Variants in CD58 observed in about 807,000 individuals in gnomAD.
CD58 encodes CD58 molecule.
In CD58, 14 loss-of-function variants were observed where a neutral mutation model predicts 27.6. That is an observed-to-expected ratio of 0.51 (90% CI 0.34 to 0.79). The LOEUF (loss-of-function observed/expected upper bound fraction) is 0.79, where lower values mean the gene tolerates loss of function less well. Among genes scored for constraint, CD58 ranks in the 30% least tolerant of loss-of-function variants. The probability of loss-of-function intolerance (pLI) is 0.02; values close to 1 mark genes in which losing one functional copy is unlikely to be tolerated. For missense variants in CD58, 268 were observed against 301.7 expected, an observed-to-expected ratio of 0.89 and a Z score of 0.83; for synonymous variants, 117 against 103.8, an observed-to-expected ratio of 1.13 and a Z score of -0.77.
chr1:116,534,065 C>A lies in CD58; in HGVS notation c.628+1900G>T, dbSNP rs910430034. The A allele has an allele frequency of 1.3e-5, 12 of 918,722 alleles. No homozygotes were observed. Among genetic ancestry groups the A allele is most frequent in the Admixed American group, 3.4e-5 (2 of 58,454 alleles). The allele number at this position is 918,722 out of a possible 1,614,324, so 56.9% of individuals were successfully genotyped here. On this transcript the variant is annotated intron_variant, in intron 3 of 5. Transcript: ENST00000369489. The surrounding 1 kb of genome is among the most constrained non-coding windows in gnomAD (Gnocchi z 5.3). ...GCAGCTTCCACGAAATCTGAAGGAACCCCATCTGAAAAACTGTTATCTGCC... is the reference window on the plus strand; with the variant it reads ...GCAGCTTCCACGAAATCTGAAGGAAACCCATCTGAAAAACTGTTATCTGCC...
At position 116,515,676 on chromosome 1, in the gene CD58, T is replaced by C. The variant is rs567980999; in HGVS notation, c.744-854A>G. On this transcript the variant is annotated intron_variant, in intron 5 of 5. Transcript: ENST00000369489. This position sits in a 1 kb window ranked among gnomAD's most constrained non-coding sequence, Gnocchi z 4.6. ...CACTACAAGGAATCAAGCCTGCTTCTCCAGCTTGGCTCCTGCCTGAGATCC... is the reference window on the plus strand; with the variant it reads ...CACTACAAGGAATCAAGCCTGCTTCCCCAGCTTGGCTCCTGCCTGAGATCC... Among the ~76,000 whole-genome samples the C allele has an allele frequency of 6.6e-6, 1 of 152,306 alleles. No homozygotes were observed. The highest frequency in any genetic ancestry group is 2.1e-4 in the South Asian group (1 of 4,824).
intron 2 of CD58, among the ~76,000 whole-genome samples, chr1:116,539,075 A>C (rs1657907132): frequency 6.6e-6 from 1 of 152,204 alleles, no homozygotes; most frequent in East Asian, 1.9e-4. Flanking sequence ...AATAGTACTT[A>C]CTCTATCAGA....
rs567788814 is a variant in CD58, at chr1:116,565,775, G to A, written c.70+5128C>T. ...CTCACTCCGTCACCCAGGCTGGAGT[G>A]CAGTGTTGTAATCTTGGCTCACTGC... On this transcript the variant is annotated intron_variant, in intron 1 of 5. Transcript: ENST00000369489. Among the ~76,000 whole-genome samples the A allele has an allele frequency of 1.7e-4, 26 of 150,212 alleles. No homozygotes were observed. The South Asian group carries it at 5.5e-3, about 32-fold the overall frequency.
intron 2 of CD58, among the ~76,000 whole-genome samples, chr1:116,539,628 G>A (rs185176538): frequency 6.6e-6 from 1 of 152,320 alleles, no homozygotes; most frequent in East Asian, 1.9e-4. Flanking sequence ...CTAGGTAGAA[G>A]CTCTTTCTGG....
rs1057177974 is a variant in CD58 at position 116,532,027 on chromosome 1, C to T, written c.628+3938G>A. Among the ~76,000 whole-genome samples the T allele has an allele frequency of 6.6e-5, 10 of 152,242 alleles. No individual in the cohort carries two copies. The highest frequency in any genetic ancestry group is 2.4e-4 in the African/African-American group (10 of 41,462). On this transcript the variant is annotated intron_variant, in intron 3 of 5. Coordinates refer to ENST00000369489, the MANE Select transcript of CD58 (RefSeq NM_001779.3). This position sits in a 1 kb window ranked among gnomAD's most constrained non-coding sequence, Gnocchi z 5.1. The stretch of plus-strand genomic sequence containing the variant: ...ACTACTGAGAAAGCAGGACTTGACG[C>T]TCATATGCTCAAATGAAACGCAGGA...
chr1:116,553,228 T>C (rs1658451900), intron 1 of CD58, among the ~76,000 whole-genome samples: 1 of 152,154 alleles, frequency 6.6e-6, no homozygotes, highest in African/African-American at 2.4e-5. Context: ...TATTATAGTT[T>C]TTTTTCAAAT....
In CD58 at chr1:116,528,510, A is replaced by T. The variant is rs1480674388; in HGVS notation, c.629-6527T>A. 1.3e-5 allele frequency among the ~76,000 whole-genome samples: 2 copies of T among 152,166 alleles called. No homozygotes were observed. On this transcript the variant is annotated intron_variant, in intron 3 of 5. Transcript: ENST00000369489. This position sits in a 1 kb window ranked among gnomAD's most constrained non-coding sequence, Gnocchi z 4.4. ...ACATAACTTCAGGTCGGAACTGAAC[A>T]ATGTTTCTTTTATGTTCTTGGTCCA...
chr1:116,569,701 A>T (rs1197699589), intron 1 of CD58, among the ~76,000 whole-genome samples: 1 of 148,320 alleles, frequency 6.7e-6, no homozygotes, highest in East Asian at 2.0e-4. Context: ...TCCGGGACTC[A>T]GGTGATTCTC....
chr1:116,519,385 C>A lies in CD58; in HGVS notation c.707-118G>T. The A allele has an allele frequency of 1.2e-6, 1 of 825,434 alleles. No individual in the cohort carries two copies. The highest frequency in any genetic ancestry group is 2.0e-6 in the Non-Finnish European group (1 of 495,614). 51.1% of individuals were successfully genotyped at this position (825,434 alleles called of 1,614,324 possible). A position where few individuals can be genotyped will look rare whatever the true frequency, so the allele number is the denominator to read the frequency against. Reference sequence around the variant, plus strand: ...GAAAACTAAGCCAGAGCCCCATCACCCTGGGATTTCCTGCTATCCTATATG... The same window carrying A: ...GAAAACTAAGCCAGAGCCCCATCACACTGGGATTTCCTGCTATCCTATATG... On this transcript the variant is annotated intron_variant, in intron 4 of 5. Transcript: ENST00000369489. This position sits in a 1 kb window ranked among gnomAD's most constrained non-coding sequence, Gnocchi z 4.7.
At chr1:116,549,690 C>T (rs930978717) in intron 1 of CD58, among the ~76,000 whole-genome samples, 4 of 152,190 alleles carry the variant, frequency 2.6e-5, no homozygotes, top group African/African-American at 4.8e-5. Context: ...ATCTGGGTGC[C>T]TTACCCACTC....
intron 2 of CD58, among the ~76,000 whole-genome samples, chr1:116,540,708 G>T (rs1657961313): frequency 6.6e-6 from 1 of 152,172 alleles, no homozygotes; most frequent in African/African-American, 2.4e-5. Flanking sequence ...CACCTCCCCT[G>T]TACTTTACTC....
intron 5 of CD58, among the ~76,000 whole-genome samples, chr1:116,518,440 G>A (rs1476785175): frequency 6.6e-6 from 1 of 151,898 alleles, no homozygotes; most frequent in Admixed American, 6.6e-5. Context: ...GCATAGTTCT[G>A]CTAGAAAACT....
In CD58 at chr1:116,523,581, G is replaced by C. The variant is rs970951558; in HGVS notation, c.629-1598C>G. On this transcript the variant is annotated intron_variant, in intron 3 of 5. Coordinates refer to ENST00000369489, the MANE Select transcript of CD58 (RefSeq NM_001779.3). This position sits in a 1 kb window ranked among gnomAD's most constrained non-coding sequence, Gnocchi z 4.4. ...TTCCCTTCTTTAGTAGCAAAATTCAGATATTCCTTGGCAATAATACTCCCC... is the reference window on the plus strand; with the variant it reads ...TTCCCTTCTTTAGTAGCAAAATTCACATATTCCTTGGCAATAATACTCCCC... Among the ~76,000 whole-genome samples, 7 of 152,100 alleles carry C rather than the reference G, an allele frequency of 4.6e-5. No individual in the cohort carries two copies. The highest frequency in any genetic ancestry group is 4.6e-4 in the Admixed American group (7 of 15,272).
chr1:116,518,942 T>C (rs2101152362), intron 5 of CD58: 1 of 982,862 alleles, frequency 1.0e-6, no homozygotes, highest in African/African-American at 1.7e-5. Context: ...GATATCTCAC[T>C]TGACTTCTAT....
Position 116,552,300 on chromosome 1 carries a change from G to A in CD58, c.71-7696C>T, listed in dbSNP as rs1014736845. On this transcript the variant is annotated intron_variant, in intron 1 of 5. Transcript: ENST00000369489. This position sits in a 1 kb window ranked among gnomAD's most constrained non-coding sequence, Gnocchi z 4.5. ...ATCAATTAAGTTCACCGTCTTATAC[G>A]CATGGTTCTTGGCATCCCAAAACAA... Among the ~76,000 whole-genome samples, 9 of 152,162 alleles carry A rather than the reference G, an allele frequency of 5.9e-5. No homozygotes were observed. The highest frequency in any genetic ancestry group is 1.9e-4 in the African/African-American group (8 of 41,434).
Position 116,515,580 on chromosome 1 carries a change from C to T in CD58, c.744-758G>A, listed in dbSNP as rs1657053737. On this transcript the variant is annotated intron_variant, in intron 5 of 5. Transcript: ENST00000369489. The surrounding 1 kb of genome is among the most constrained non-coding windows in gnomAD (Gnocchi z 4.6). ...AATGTTTGTAAACCAGGTTGGCAGG[C>T]ACAGGATTCTTGTTGGGGCAGCTTT... Among the ~76,000 whole-genome samples the T allele has an allele frequency of 6.6e-6, 1 of 152,162 alleles. No individual in the cohort carries two copies. The highest frequency in any genetic ancestry group is 2.4e-5 in the African/African-American group (1 of 41,426).
chr1:116,525,596 G>T (rs115590771), intron 3 of CD58, among the ~76,000 whole-genome samples: 4 of 152,306 alleles, frequency 2.6e-5, no homozygotes, highest in African/African-American at 9.6e-5. Context: ...ATACAGTTTT[G>T]TAAGAAACTG....
rs1657887231 is a variant in CD58, at chr1:116,538,425, T to C, written c.365-2197A>G. ...AGTTCAAAAATGCCTGTTCTCAGTA[T>C]TTCATATACTTATGCCTGCCTCTGT... On this transcript the variant is annotated intron_variant, in intron 2 of 5. Transcript: ENST00000369489. This position sits in a 1 kb window ranked among gnomAD's most constrained non-coding sequence, Gnocchi z 4.7. Among the ~76,000 whole-genome samples, 1 of 152,178 alleles carries C rather than the reference T, an allele frequency of 6.6e-6. No homozygotes were observed. The highest frequency in any genetic ancestry group is 2.4e-5 in the African/African-American group (1 of 41,430).
intron 5 of CD58, among the ~76,000 whole-genome samples, chr1:116,518,090 T>C (rs776312692): frequency 6.6e-6 from 1 of 152,250 alleles, no homozygotes; most frequent in Non-Finnish European, 1.5e-5. Context: ...ATCTATGCTA[T>C]CATTGTCATT....
Sources: allele counts gnomAD v4.1 joint callset (sites outside exome capture counted in the v4.1 genomes callset), GRCh38; gene constraint gnomAD v4.1.1; non-coding constraint Gnocchi (gnomAD v3.1); transcripts MANE v1.5; gene names NCBI Gene and HGNC (gene_info 2026-07-23, HGNC 2026-07-21).